The following DNAJC5B variants were observed in gnomAD, a reference collection of about 807,000 sequenced individuals.
DNAJC5B encodes dnaJ homolog subfamily C member 5B.
In DNAJC5B, 23 loss-of-function variants were observed where a neutral mutation model predicts 24.7. That is an observed-to-expected ratio of 0.93 (90% CI 0.67 to 1.32). The LOEUF is 1.32. Among genes scored for constraint, DNAJC5B ranks in the 40% most tolerant of loss-of-function variants. DNAJC5B has a pLI of 0.00. For synonymous variants in DNAJC5B, 101 were observed against 90.1 expected, an observed-to-expected ratio of 1.12 and a Z score of -0.68; for missense variants, 238 against 240.8, an observed-to-expected ratio of 0.99 and a Z score of 0.08.
chr8:66,081,409 C>G (rs1039614202), intron 5 of DNAJC5B, among the ~76,000 whole-genome samples: 4 of 151,998 alleles, frequency 2.6e-5, no homozygotes, highest in Non-Finnish European at 5.9e-5. Context: ...ACTGAATCCC[C>G]AAAAAACCTA....
At chr8:66,078,557 A>T (rs1036238619) in intron 4 of DNAJC5B, among the ~76,000 whole-genome samples, 1 of 152,160 alleles carries the variant, frequency 6.6e-6, no homozygotes, top group Non-Finnish European at 1.5e-5. Context: ...AAGTTCAGAG[A>T]AGAGAATAAT....
intron 1 of DNAJC5B, among the ~76,000 whole-genome samples, chr8:66,033,721 C>G (rs977133663): frequency 6.6e-5 from 10 of 150,456 alleles, no homozygotes; most frequent in Non-Finnish European, 1.3e-4. Context: ...GGTAACAACT[C>G]TCAGAGGAAA....
At chr8:66,017,650 C>T (rs545623732), upstream of DNAJC5B, among the ~76,000 whole-genome samples, 69 of 152,310 alleles carry the variant, frequency 4.5e-4, no homozygotes, top group African/African-American at 1.5e-3. Context: ...ATATGCCTTA[C>T]CTATTTTGTA....
intron 1 of DNAJC5B, among the ~76,000 whole-genome samples, chr8:66,032,218 T>C (rs1478028839): frequency 6.6e-6 from 1 of 152,208 alleles, no homozygotes; most frequent in Non-Finnish European, 1.5e-5. Flanking sequence ...ACTGGTGCTG[T>C]GCTCCCCACA....
chr8:66,030,011 G>A (rs925380463), intron 1 of DNAJC5B, among the ~76,000 whole-genome samples: 1 of 152,140 alleles, frequency 6.6e-6, no homozygotes, highest in African/African-American at 2.4e-5. Context: ...AAACAACTGT[G>A]CCTATAAATA....
intron 1 of DNAJC5B, among the ~76,000 whole-genome samples, chr8:66,036,519 C>A (rs1258471387): frequency 1.3e-5 from 2 of 152,174 alleles, no homozygotes; most frequent in Non-Finnish European, 2.9e-5. Context: ...CATGACCTGC[C>A]CCACCCGGAT....
At chr8:66,051,468 T>C in intron 2 of DNAJC5B, 63 bp from the exon 3 acceptor site, 1 of 922,612 alleles carries the variant, frequency 1.1e-6, no homozygotes, top group South Asian at 1.5e-5. Context: ...AAATGAGCTG[T>C]CTTCCCCTTT....
intron 3 of DNAJC5B, 142 bp downstream of exon 3, chr8:66,051,808 G>T (rs1563595246): frequency 7.5e-6 from 5 of 667,232 alleles, no homozygotes; most frequent in Admixed American, 5.2e-5. Flanking sequence ...TACAACATAG[G>T]AGTTAGGAAT....
intron 1 of DNAJC5B, among the ~76,000 whole-genome samples, chr8:66,029,405 G>A (rs1258907941): frequency 2.0e-5 from 3 of 152,202 alleles, no homozygotes; most frequent in African/African-American, 7.2e-5. Flanking sequence ...GGCACTGGAG[G>A]AAGAGGCAGG....
At chr8:66,097,479 A>G (rs1216103436) in intron 5 of DNAJC5B, among the ~76,000 whole-genome samples, 1 of 150,794 alleles carries the variant, frequency 6.6e-6, no homozygotes, top group Non-Finnish European at 1.5e-5. Context: ...AGCCTCGTAA[A>G]TTTTTATTAT....
intron 5 of DNAJC5B, among the ~76,000 whole-genome samples, chr8:66,096,419 A>G (rs536030305): frequency 6.6e-6 from 1 of 152,322 alleles, no homozygotes; most frequent in East Asian, 1.9e-4. Flanking sequence ...CAAATTCTAC[A>G]TAAGATTTCC....
At chr8:66,017,286 T>C (rs1340985055), upstream of DNAJC5B, among the ~76,000 whole-genome samples, 1 of 152,248 alleles carries the variant, frequency 6.6e-6, no homozygotes, top group Non-Finnish European at 1.5e-5. Context: ...AAATGTTTTA[T>C]TGCAGTTTGG....
rs936957552 is a variant in DNAJC5B, at chr8:66,074,768, C to T, written c.120-1892C>T. Among the ~76,000 whole-genome samples, 5 of 152,308 alleles carry T rather than the reference C, an allele frequency of 3.3e-5. No individual in the cohort carries two copies. The South Asian group carries it at 6.2e-4, about 19-fold the overall frequency. ...AGGCATTGCACGACCACCTCCTTGACGGTTGTGGAATTTTGGCAGCTGTCT... is the reference window on the plus strand; with the variant it reads ...AGGCATTGCACGACCACCTCCTTGATGGTTGTGGAATTTTGGCAGCTGTCT... On this transcript the variant is annotated intron_variant, in intron 3 of 5. Coordinates refer to ENST00000276570, the MANE Select transcript of DNAJC5B (RefSeq NM_033105.6).
intron 4 of DNAJC5B, among the ~76,000 whole-genome samples, chr8:66,077,285 G>A (rs1329806814): frequency 1.3e-5 from 2 of 152,178 alleles, no homozygotes; most frequent in Non-Finnish European, 2.9e-5. Context: ...GGAAGAATGA[G>A]TGGTAATTAT....
rs180832245 is a variant in DNAJC5B at position 66,042,518 on chromosome 8, G to A, written c.-141-970G>A. 2.5e-3 allele frequency among the ~76,000 whole-genome samples: 375 copies of A among 152,064 alleles called. 1 individual carries two copies. The highest frequency in any genetic ancestry group is 8.6e-3 in the African/African-American group (356 of 41,472). ...TAGCAACTATTTTTATTTCATCAAA[G>A]GACACTGTCCTTAAGCTGAAGTCAT... On this transcript the variant is annotated intron_variant, in intron 1 of 5. Coordinates refer to ENST00000276570, the MANE Select transcript of DNAJC5B (RefSeq NM_033105.6).
chr8:66,075,785 G>T (rs1189020387), intron 3 of DNAJC5B, among the ~76,000 whole-genome samples: 10 of 152,164 alleles, frequency 6.6e-5, no homozygotes. Flanking sequence ...TAATAGTTCA[G>T]TTCCTAAAAT....
At chr8:66,098,004 C>T (rs1020565931) in intron 5 of DNAJC5B, among the ~76,000 whole-genome samples, 1 of 151,872 alleles carries the variant, frequency 6.6e-6, no homozygotes. Context: ...CACCTGCCAC[C>T]AGGCCTGGCT....
At chr8:66,067,903 T>C (rs1386280170) in intron 3 of DNAJC5B, among the ~76,000 whole-genome samples, 3 of 152,234 alleles carry the variant, frequency 2.0e-5, no homozygotes, top group Admixed American at 2.0e-4. Flanking sequence ...AAATGCTTGT[T>C]CTTTTAAGTT....
intron 1 of DNAJC5B, among the ~76,000 whole-genome samples, chr8:66,041,023 T>A (rs1033317544): frequency 1.8e-5 from 2 of 109,240 alleles, no homozygotes; most frequent in African/African-American, 8.2e-5. Context: ...TAGCTACATC[T>A]TAGATAGAGT....
Sources: gnomAD v4.1 joint callset for allele counts (sites outside exome capture counted in the v4.1 genomes callset) on GRCh38, gnomAD v4.1.1 for gene constraint, MANE v1.5 for transcripts, NCBI Gene and HGNC (gene_info 2026-07-23, HGNC 2026-07-21) for gene names.